IFT81: variants seen among roughly 807,000 people sequenced by gnomAD.
The protein encoded by IFT81 is intraflagellar transport 81, also known as intraflagellar transport protein 81 homolog.
In IFT81, 72 loss-of-function variants were observed where a neutral mutation model predicts 102.6. The ratio of observed to expected loss-of-function variants is 0.70; its 90% CI spans 0.58 to 0.85. The LOEUF is 0.85. IFT81 is among the 40% of genes least tolerant of loss of function. The pLI, the probability that IFT81 is intolerant of heterozygous loss-of-function variation, is 0.00. For missense variants in IFT81, 723 were observed against 787.3 expected (o/e 0.92, Z 0.98); for synonymous variants, 237 against 242.7 (o/e 0.98, Z 0.22).
chr12:110,144,363 C>T lies in IFT81; in HGVS notation c.945+818C>T, dbSNP rs147581725. Among the ~76,000 whole-genome samples, 399 of 148,574 alleles carry T rather than the reference C, an allele frequency of 2.7e-3. 13 individuals carry two copies. The East Asian group carries it at 0.072, about 27-fold the overall frequency. On this transcript the variant is annotated intron_variant, in intron 9 of 18. Transcript: ENST00000242591. The stretch of plus-strand genomic sequence containing the variant: ...TCCTGAGTAGCTGGGATTACAGGCA[C>T]GCGCCACCACGCCTGGCTAATTTTT...
At chr12:110,138,096 A>G (rs923785959) in intron 8 of IFT81, among the ~76,000 whole-genome samples, 20 of 152,210 alleles carry the variant, frequency 1.3e-4, no homozygotes, top group Non-Finnish European at 2.9e-5. Flanking sequence ...CTGGAGAACT[A>G]TCCCAATGTA....
At chr12:110,154,359 G>A (rs1191990068) in intron 10 of IFT81, among the ~76,000 whole-genome samples, 5 of 151,196 alleles carry the variant, frequency 3.3e-5, no homozygotes, top group South Asian at 2.1e-4. Flanking sequence ...GGCCGGGTGC[G>A]GTGACTCACG....
At chr12:110,148,842 G>A (rs1043995984) in intron 10 of IFT81, among the ~76,000 whole-genome samples, 2 of 152,182 alleles carry the variant, frequency 1.3e-5, no homozygotes, top group Admixed American at 1.3e-4. Flanking sequence ...GTTCATATAG[G>A]ATAGGCAGGG....
At chr12:110,178,655 G>A (rs1168256004) in intron 11 of IFT81, among the ~76,000 whole-genome samples, 2 of 134,482 alleles carry the variant, frequency 1.5e-5, no homozygotes, top group African/African-American at 2.8e-5. Flanking sequence ...TCACTCTGTC[G>A]CCCAGGCTGG....
chr12:110,170,743 T>C (rs1896690200), intron 11 of IFT81, among the ~76,000 whole-genome samples: 1 of 152,194 alleles, frequency 6.6e-6, no homozygotes, highest in African/African-American at 2.4e-5. Flanking sequence ...TTATAGTCCA[T>C]TGTGTTTTCT....
chr12:110,202,994 G>A (rs117646453), intron 14 of IFT81, among the ~76,000 whole-genome samples: 4,202 of 152,160 alleles, frequency 0.028, 84 homozygotes, highest in Middle Eastern at 0.082. Flanking sequence ...GGCTGGGTGC[G>A]GTGGCTCACG....
At chr12:110,131,829 A>T (rs1053698029) in intron 4 of IFT81, among the ~76,000 whole-genome samples, 1 of 152,206 alleles carries the variant, frequency 6.6e-6, no homozygotes, top group Non-Finnish European at 1.5e-5. Context: ...CTCTGATAGG[A>T]TAGATAAAGG....
chr12:110,180,081 G>A (rs1465631355), intron 11 of IFT81, among the ~76,000 whole-genome samples: 1 of 152,036 alleles, frequency 6.6e-6, no homozygotes, highest in Non-Finnish European at 1.5e-5. Flanking sequence ...CAAGCTTAAG[G>A]AATAGTGGGG....
intron 8 of IFT81, 93 bp downstream of exon 8, chr12:110,136,953 C>T: frequency 1.4e-6 from 1 of 735,374 alleles, no homozygotes; most frequent in South Asian, 2.1e-5. Context: ...AATTAGTTAT[C>T]ATCAAGTGAT....
At chr12:110,178,414 C>CAAA (rs75333089) in intron 11 of IFT81, among the ~76,000 whole-genome samples, 5 of 58,022 alleles carry the variant, frequency 8.6e-5, no homozygotes, top group African/African-American at 3.5e-4. Context: ...GACTCCATCT[C>CAAA]AAAAAAAAAA....
chr12:110,148,414 T>C (rs1895342350), intron 10 of IFT81, among the ~76,000 whole-genome samples: 1 of 152,140 alleles, frequency 6.6e-6, no homozygotes, highest in Non-Finnish European at 1.5e-5. Context: ...TGCTTATCCA[T>C]TAATTTTATT....
chr12:110,132,752 G>A, intron 5 of IFT81, 116 bp downstream of exon 5: 1 of 540,834 alleles, frequency 1.8e-6, no homozygotes, highest in South Asian at 2.0e-5. Context: ...ATAGCAAATG[G>A]CACATTTTAC....
At chr12:110,203,821 C>G (rs1245118425) in intron 14 of IFT81, 43 bp from the exon 15 acceptor site, 1 of 1,335,492 alleles carries the variant, frequency 7.5e-7, no homozygotes, top group East Asian at 2.3e-5. Context: ...TGTTTGGGAC[C>G]TTTGTTTTTC....
chr12:110,179,304 A>G (rs1286826046), intron 11 of IFT81, among the ~76,000 whole-genome samples: 2 of 152,164 alleles, frequency 1.3e-5, no homozygotes, highest in East Asian at 3.9e-4. Flanking sequence ...CACAACCAGA[A>G]TTGTGGTCAT....
At position 110,124,430 on chromosome 12, in the gene IFT81, G is replaced by C. The variant is rs1201024387; in HGVS notation, c.-453G>C. The C allele has an allele frequency of 6.6e-6, 1 of 152,484 alleles. No individual in the cohort carries two copies. Among genetic ancestry groups the C allele is most frequent in the Non-Finnish European group, 1.5e-5 (1 of 68,322 alleles). 9.4% of individuals were successfully genotyped at this position (152,484 alleles called of 1,614,324 possible). A position where few individuals can be genotyped will look rare whatever the true frequency, so the allele number is the denominator to read the frequency against. On this transcript the variant is annotated 5_prime_UTR_variant, in exon 1 of 19. Coordinates refer to ENST00000242591, the MANE Select transcript of IFT81 (RefSeq NM_014055.4). ...CTGGGGGGTGGGGAAACGGTTTCGT[G>C]AGGAGAATTTGAGGTAACCTCGCCA... is the stretch of plus-strand genomic sequence containing the variant.
At chr12:110,141,843 C>CACTG (rs1894911945) in intron 8 of IFT81, among the ~76,000 whole-genome samples, 1 of 152,120 alleles carries the variant, frequency 6.6e-6, no homozygotes, top group Admixed American at 6.6e-5. Context: ...CAGAATGCAC[C>CACTG]ACTGCACTCC....
At chr12:110,180,397 A>T in intron 11 of IFT81, 25 bp from the exon 12 acceptor site, 1 of 1,502,504 alleles carries the variant, frequency 6.7e-7, no homozygotes, top group South Asian at 1.2e-5. Flanking sequence ...TACTCATTAG[A>T]TTACATATTG....
chr12:110,149,949 C>A (rs1299292700), intron 10 of IFT81, among the ~76,000 whole-genome samples: 1 of 152,184 alleles, frequency 6.6e-6, no homozygotes, highest in Non-Finnish European at 1.5e-5. Context: ...GCAGGAGTGC[C>A]TGTCCTCACC....
chr12:110,177,331 G>C (rs1897080716), intron 11 of IFT81, among the ~76,000 whole-genome samples: 2 of 152,126 alleles, frequency 1.3e-5, no homozygotes, highest in African/African-American at 2.4e-5. Flanking sequence ...CGCTCAGGCT[G>C]GAGTGCAGTG....
Sources: gnomAD v4.1 joint callset for allele counts (sites outside exome capture counted in the v4.1 genomes callset) on GRCh38, gnomAD v4.1.1 for gene constraint, MANE v1.5 for transcripts, NCBI Gene and HGNC (gene_info 2026-07-23, HGNC 2026-07-21) for gene names.